Variants in FAM131B observed in about 807,000 individuals in gnomAD.
The protein encoded by FAM131B is protein FAM131B.
FAM131B carries 19 observed loss-of-function variants against 42.0 expected under a neutral mutation model. The ratio of observed to expected loss-of-function variants is 0.45; its 90% confidence interval spans 0.32 to 0.66. The LOEUF (loss-of-function observed/expected upper bound fraction) is 0.66, where lower values mean the gene tolerates loss of function less well. FAM131B is among the 30% of genes least tolerant of loss of function. FAM131B has a pLI of 0.05. For synonymous variants in FAM131B, 183 were observed against 177.6 expected, an observed-to-expected ratio of 1.03 and a Z score of -0.24; for missense variants, 370 against 468.4, an observed-to-expected ratio of 0.79 and a Z score of 1.94.
rs1259807064 is a variant in FAM131B, at chr7:143,362,556, C to G, written c.28+20G>C. ...GGCCCGGGGGGCCCAGCCCTGCCCC[C>G]GCCCGGCCGCGGTACCCACCCACAG... On this transcript the variant is annotated intron_variant, in intron 1 of 6. Coordinates refer to ENST00000443739, the MANE Select transcript of FAM131B (RefSeq NM_001031690.3). This position sits in a 1 kb window ranked among gnomAD's most constrained non-coding sequence, Gnocchi z 7.7. 1.0e-4 allele frequency: 125 copies of G among 1,213,106 alleles called. No individual in the cohort carries two copies. The highest frequency in any genetic ancestry group is 1.2e-4 in the Non-Finnish European group (120 of 973,290). The allele number at this position is 1,213,106 out of a possible 1,614,324, so 75.1% of individuals were successfully genotyped here.
At chr7:143,366,248 A>C (rs1196441537), upstream of FAM131B, among the ~76,000 whole-genome samples, 1 of 152,226 alleles carries the variant, frequency 6.6e-6, no homozygotes. Context: ...ATCTATCTAC[A>C]TTTCTAAATT....
At position 143,356,479 on chromosome 7, in the gene FAM131B, G is replaced by C; in HGVS notation, c.*71C>G. 2.6e-6 allele frequency: 3 copies of C among 1,149,872 alleles called. No individual in the cohort carries two copies. Among genetic ancestry groups the C allele is most frequent in the African/African-American group, 1.5e-5 (1 of 66,290 alleles). 71.2% of individuals were successfully genotyped at this position (1,149,872 alleles called of 1,614,324 possible). On this transcript the variant is annotated 3_prime_UTR_variant, in exon 7 of 7. Transcript: ENST00000443739. This position sits in a 1 kb window ranked among gnomAD's most constrained non-coding sequence, Gnocchi z 4.4. Reference sequence around the variant, plus strand: ...TGCCCAGTTTCAGCTGTACTGCTGGGGGGAGGGAGGGTATGGGTCACAGCC... The same window carrying C: ...TGCCCAGTTTCAGCTGTACTGCTGGCGGGAGGGAGGGTATGGGTCACAGCC...
chr7:143,374,056 G>A, the FAM131B span, among the ~76,000 whole-genome samples: 3 of 152,012 alleles, frequency 2.0e-5, no homozygotes, highest in Non-Finnish European at 4.4e-5. Flanking sequence ...TAGCCCTCTC[G>A]ACTGTTCATG....
chr7:143,359,109 C>A lies in FAM131B; in HGVS notation c.269-85G>T. On this transcript the variant is annotated intron_variant, in intron 4 of 6. Coordinates refer to ENST00000443739, the MANE Select transcript of FAM131B (RefSeq NM_001031690.3). This position sits in a 1 kb window ranked among gnomAD's most constrained non-coding sequence, Gnocchi z 5.4. ...CCTCCCAGTTCCTCCCACCCCAGCC[C>A]CATGAGGCTCCATCCCACTGGGCCA... 1 of 1,362,126 alleles carries A rather than the reference C, an allele frequency of 7.3e-7. No homozygotes were observed. The highest frequency in any genetic ancestry group is 2.5e-5 in the East Asian group (1 of 40,410). 84.4% of individuals were successfully genotyped at this position (1,362,126 alleles called of 1,614,324 possible).
Position 143,355,628 on chromosome 7 carries a change from C to G in FAM131B, c.*922G>C, listed in dbSNP as rs1043506869. 2.0e-5 allele frequency: 3 copies of G among 152,626 alleles called. No individual in the cohort carries two copies. The highest frequency in any genetic ancestry group is 7.2e-5 in the African/African-American group (3 of 41,450). The allele number at this position is 152,626 out of a possible 1,614,324, so 9.5% of individuals were successfully genotyped here. A position where few individuals can be genotyped will look rare whatever the true frequency, so the allele number is the denominator to read the frequency against. ...AATAAGGGGAGACAGCCCTCATGCT[C>G]CCCCTGCTGTTGGCGACACCTGCAT... is the stretch of plus-strand genomic sequence containing the variant. On this transcript the variant is annotated 3_prime_UTR_variant, in exon 7 of 7. Transcript: ENST00000443739. The surrounding 1 kb of genome is among the most constrained non-coding windows in gnomAD (Gnocchi z 4.1).
the FAM131B span, chr7:143,381,231 G>C: frequency 7.9e-6 from 8 of 1,011,726 alleles, no homozygotes; most frequent in Non-Finnish European, 9.5e-6. Flanking sequence ...CCCCCTCTCC[G>C]GGCCGCTCCT....
the FAM131B span, chr7:143,380,922 C>T: frequency 1.8e-5 from 8 of 450,598 alleles, no homozygotes; most frequent in African/African-American, 2.1e-5. The surrounding 1 kb of genome is among the most constrained non-coding windows in gnomAD (Gnocchi z 5.0). Context: ...CGGAGGCGCA[C>T]AGGGGCTGCG....
At chr7:143,376,164 C>T in the FAM131B span, among the ~76,000 whole-genome samples, 4 of 152,228 alleles carry the variant, frequency 2.6e-5, no homozygotes, top group East Asian at 1.9e-4. Context: ...GCTTCTGATC[C>T]GGTGGGATAA....
upstream of FAM131B, among the ~76,000 whole-genome samples, chr7:143,365,066 A>G (rs778687084): frequency 2.0e-4 from 30 of 152,224 alleles, no homozygotes; most frequent in Non-Finnish European, 2.4e-4. Flanking sequence ...CTTTTATTTT[A>G]TTGGGATATA....
chr7:143,359,724 G>A lies in FAM131B; in HGVS notation c.174+8C>T. 6.4e-7 allele frequency: 1 copy of A among 1,569,022 alleles called. No homozygotes were observed. Among genetic ancestry groups the A allele is most frequent in the Non-Finnish European group, 8.7e-7 (1 of 1,156,036 alleles). On this transcript the variant is annotated splice_region_variant and intron_variant, in intron 3 of 6. Coordinates refer to ENST00000443739, the MANE Select transcript of FAM131B (RefSeq NM_001031690.3). This position sits in a 1 kb window ranked among gnomAD's most constrained non-coding sequence, Gnocchi z 5.4. ...AGGATGGGGAGGTCTGGGGGCAGCTGCACTCACGTTGATGCCGTCCCAGGA... is the reference window on the plus strand; with the variant it reads ...AGGATGGGGAGGTCTGGGGGCAGCTACACTCACGTTGATGCCGTCCCAGGA...
chr7:143,381,486 C>A, the FAM131B span: 1 of 1,438,488 alleles, frequency 7.0e-7, no homozygotes, highest in Non-Finnish European at 9.2e-7. Flanking sequence ...TGGGGGTCAC[C>A]AAGGGGAGCT....
chr7:143,371,965 T>C, the FAM131B span, among the ~76,000 whole-genome samples: 3 of 151,912 alleles, frequency 2.0e-5, no homozygotes, highest in Non-Finnish European at 2.9e-5. Flanking sequence ...CTAGGAAAGG[T>C]TTTTTTTCAA....
chr7:143,362,573 C>A lies in FAM131B; in HGVS notation c.28+3G>T, dbSNP rs1804054655. The A allele has an allele frequency of 1.6e-6, 2 of 1,222,040 alleles. No homozygotes were observed. Among genetic ancestry groups the A allele is most frequent in the East Asian group, 6.4e-5 (2 of 31,222 alleles). 75.7% of individuals were successfully genotyped at this position (1,222,040 alleles called of 1,614,324 possible). ...CCTGCCCCCGCCCGGCCGCGGTACCCACCCACAGTCCGGGAGCCGATGCAG... is the reference window on the plus strand; with the variant it reads ...CCTGCCCCCGCCCGGCCGCGGTACCAACCCACAGTCCGGGAGCCGATGCAG... On this transcript the variant is annotated splice_donor_region_variant and intron_variant, in intron 1 of 6. Transcript: ENST00000443739. The surrounding 1 kb of genome is among the most constrained non-coding windows in gnomAD (Gnocchi z 7.7).
chr7:143,379,612 A>G, the FAM131B span: 1 of 152,228 alleles, frequency 6.6e-6, no homozygotes, highest in Non-Finnish European at 1.5e-5. Flanking sequence ...ATGGGGGAAA[A>G]CGCCTTAGTG....
Position 143,357,995 on chromosome 7 carries a change from G to A in FAM131B, c.467-572C>T, listed in dbSNP as rs114217538. ...GGAGGTTTTTAGGAATTGCAGTCTA[G>A]AGAGTAGATTTCAAGATCAACAGAG... On this transcript the variant is annotated intron_variant, in intron 5 of 6. Coordinates refer to ENST00000443739, the MANE Select transcript of FAM131B (RefSeq NM_001031690.3). 3.1e-3 allele frequency among the ~76,000 whole-genome samples: 468 copies of A among 152,282 alleles called. 4 individuals carry two copies. The highest frequency in any genetic ancestry group is 0.011 in the African/African-American group (445 of 41,558).
the FAM131B span, among the ~76,000 whole-genome samples, chr7:143,378,552 A>G: frequency 2.5e-4 from 37 of 145,496 alleles, no homozygotes; most frequent in Non-Finnish European, 5.1e-4. Context: ...CGTTAAGGCC[A>G]CTCTTGTTCA....
the FAM131B span, chr7:143,380,424 C>T: frequency 1.0e-6 from 1 of 984,526 alleles, no homozygotes. This position sits in a 1 kb window ranked among gnomAD's most constrained non-coding sequence, Gnocchi z 5.0. Context: ...GCCCAAGAGC[C>T]CCACCGTCGC....
the FAM131B span, among the ~76,000 whole-genome samples, chr7:143,369,030 G>A: frequency 6.6e-6 from 1 of 152,194 alleles, no homozygotes; most frequent in Non-Finnish European, 1.5e-5. Context: ...AAGAGTGGTG[G>A]ATATATAGGG....
chr7:143,356,132 A>G lies in FAM131B; in HGVS notation c.*418T>C, dbSNP rs1396053971. 2.7e-5 allele frequency: 5 copies of G among 188,604 alleles called. No homozygotes were observed. Among genetic ancestry groups the G allele is most frequent in the Non-Finnish European group, 4.4e-5 (4 of 90,060 alleles). 11.7% of individuals were successfully genotyped at this position (188,604 alleles called of 1,614,324 possible). Reference sequence around the variant, plus strand: ...ACAGAGTTGGGAAAAGCAAGAGTGAAATGGAGAAAGGAGGCATTCAGACAG... The same window carrying G: ...ACAGAGTTGGGAAAAGCAAGAGTGAGATGGAGAAAGGAGGCATTCAGACAG... On this transcript the variant is annotated 3_prime_UTR_variant, in exon 7 of 7. Transcript: ENST00000443739. This position sits in a 1 kb window ranked among gnomAD's most constrained non-coding sequence, Gnocchi z 4.4.
Sources: gnomAD v4.1 joint callset for allele counts (sites outside exome capture counted in the v4.1 genomes callset) on GRCh38, gnomAD v4.1.1 for gene constraint, Gnocchi (gnomAD v3.1) non-coding constraint, MANE v1.5 for transcripts, NCBI Gene and HGNC (gene_info 2026-07-23, HGNC 2026-07-21) for gene names.